The following ARID1B variants were observed in gnomAD, a reference collection of about 807,000 sequenced individuals.
The protein encoded by ARID1B is AT-rich interaction domain 1B.
A neutral mutation model predicts 212.3 loss-of-function variants in ARID1B; 30 were observed. The ratio of observed to expected loss-of-function variants is 0.14; its 90% CI spans 0.11 to 0.19. The LOEUF (loss-of-function observed/expected upper bound fraction) is 0.19, where lower values mean the gene tolerates loss of function less well. ARID1B is among the 10% of genes least tolerant of loss of function. The probability of loss-of-function intolerance (pLI) is 1.00; values close to 1 mark genes in which losing one functional copy is unlikely to be tolerated. For synonymous variants in ARID1B, 1,402 were observed against 1,301.7 expected, an observed-to-expected ratio of 1.08 and a Z score of -1.66; for missense variants, 2,891 against 3,204.0, an observed-to-expected ratio of 0.90 and a Z score of 2.36.
intron 7 of ARID1B, among the ~76,000 whole-genome samples, chr6:157,136,652 A>G (rs931573923): frequency 2.6e-5 from 4 of 152,240 alleles, no homozygotes; most frequent in African/African-American, 9.6e-5. Context: ...ACTTGAGGTC[A>G]GGAGTTCGAG....
rs1164805779 is a variant in ARID1B at position 156,945,233 on chromosome 6, CTTTTTTTTTTTTTTTT to C, written c.2247+9677_2247+9692del. Among the ~76,000 whole-genome samples the C allele has an allele frequency of 3.6e-3, 116 of 32,666 alleles. No individual in the cohort carries two copies. The South Asian group carries it at 0.036, about 10-fold the overall frequency. The allele number at this position is 32,666 out of a possible 152,430, so 21.4% of individuals were successfully genotyped here. On this transcript the variant is annotated intron_variant, in intron 4 of 19. Transcript: ENST00000636930. The stretch of plus-strand genomic sequence containing the variant: ...GACCGGTGTGAGCCCCCGCATCCGG[CTTTTTTTTTTTTTTTT>C]TTTTTTTTTTTTTTTTTTTGTGAGT...
At chr6:157,001,861 G>A (rs775333653) in intron 4 of ARID1B, among the ~76,000 whole-genome samples, 11 of 152,168 alleles carry the variant, frequency 7.2e-5, no homozygotes, top group African/African-American at 1.2e-4. Flanking sequence ...GAATTCGGCC[G>A]GAGGAGAGAT....
intron 6 of ARID1B, among the ~76,000 whole-genome samples, chr6:157,115,076 C>G (rs1787235170): frequency 6.6e-6 from 1 of 152,192 alleles, no homozygotes; most frequent in Admixed American, 6.5e-5. Context: ...TTCCTGACAG[C>G]AGTCCTTTGT....
chr6:157,200,886 G>A lies in ARID1B; in HGVS notation c.4661G>A (p.Arg1554Lys), dbSNP rs2128373180. ...GQYPYPYSRE[R>K]MQGPGQIQTH... ...TACCCGTATCCCTACAGCAGGGAGA[G>A]GATGCAGGGCCCGGGGCAGATCCAG... Residue 1554 changes from arginine to lysine, a missense_variant, in exon 18 of 20, where the codon AGG becomes AAG. Transcript: ENST00000636930. This position sits in a 1 kb window ranked among gnomAD's most constrained non-coding sequence, Gnocchi z 4.3. 1 of 1,614,012 alleles carries A rather than the reference G, an allele frequency of 6.2e-7. No individual in the cohort carries two copies. The highest frequency in any genetic ancestry group is 8.5e-7 in the Non-Finnish European group (1 of 1,180,002).
chr6:157,183,436 A>G (rs989578767), intron 12 of ARID1B, among the ~76,000 whole-genome samples: 1 of 152,216 alleles, frequency 6.6e-6, no homozygotes, highest in Non-Finnish European at 1.5e-5. Context: ...CGCAGGAGAC[A>G]TCAAAAGGCA....
intron 4 of ARID1B, among the ~76,000 whole-genome samples, chr6:157,064,474 GT>G (rs1783546956): frequency 6.6e-6 from 1 of 152,092 alleles, no homozygotes; most frequent in African/African-American, 2.4e-5. Flanking sequence ...TTCTTCGATG[GT>G]TTGAGTGTAT....
chr6:156,965,501 G>A (rs1794680293), intron 4 of ARID1B, among the ~76,000 whole-genome samples: 23 of 152,174 alleles, frequency 1.5e-4, no homozygotes, highest in Admixed American at 1.5e-3. Context: ...GGCGTTAACT[G>A]AATAAACTAA....
At chr6:156,818,868 G>A (rs1228640080) in intron 1 of ARID1B, among the ~76,000 whole-genome samples, 1 of 151,846 alleles carries the variant, frequency 6.6e-6, no homozygotes, top group East Asian at 1.9e-4. Flanking sequence ...GAGGAGTAGA[G>A]GGTTTCCATG....
intron 4 of ARID1B, among the ~76,000 whole-genome samples, chr6:157,082,153 G>A (rs73793046): frequency 6.6e-6 from 1 of 152,106 alleles, no homozygotes; most frequent in Admixed American, 6.5e-5. Flanking sequence ...GTAAGTTCCT[G>A]TTCCTGTTAA....
chr6:156,778,737 T>TCCGCCG lies in ARID1B; in HGVS notation c.1067_1072dup (p.Ala356_Ala357dup), dbSNP rs766956053. Reference sequence around the variant, plus strand: ...CGGGATGGGGATGATGCACTCCGCCTCCGCCGCCGCCGCCGGGGCCCCCGG... The same window carrying TCCGCCG: ...CGGGATGGGGATGATGCACTCCGCCTCCGCCGCCGCCGCCGCCGCCGGGGCCCCCGG... On this transcript the variant is annotated inframe_insertion, in exon 1 of 20. Transcript: ENST00000636930. 6.6e-7 allele frequency: 1 copy of TCCGCCG among 1,516,898 alleles called. No individual in the cohort carries two copies. The highest frequency in any genetic ancestry group is 2.1e-5 in the Admixed American group (1 of 48,522). 94.0% of individuals were successfully genotyped at this position (1,516,898 alleles called of 1,614,324 possible). A position where few individuals can be genotyped will look rare whatever the true frequency, so the allele number is the denominator to read the frequency against.
chr6:157,087,784 T>A (rs1232402933), intron 5 of ARID1B, among the ~76,000 whole-genome samples: 1 of 146,230 alleles, frequency 6.8e-6, no homozygotes, highest in African/African-American at 2.5e-5. Context: ...TTCACAGAGT[T>A]GAGCTCAGTT....
At chr6:156,803,037 A>C (rs1780896935) in intron 1 of ARID1B, among the ~76,000 whole-genome samples, 1 of 152,080 alleles carries the variant, frequency 6.6e-6, no homozygotes. Flanking sequence ...TGTGAGTATA[A>C]ACATTTTTTT....
chr6:157,209,141 A>G lies in ARID1B; in HGVS notation c.*1250A>G. ...GATAATGTAGTTTAAAAAAAAAAAA[A>G]AGAAAAAAACTTGATGTAAATTCCT... On this transcript the variant is annotated 3_prime_UTR_variant, in exon 20 of 20. Coordinates refer to ENST00000636930, the MANE Select transcript of ARID1B (RefSeq NM_001374828.1). 4.3e-6 allele frequency: 1 copy of G among 230,218 alleles called. No homozygotes were observed. The highest frequency in any genetic ancestry group is 8.6e-6 in the Non-Finnish European group (1 of 116,040). 14.3% of individuals were successfully genotyped at this position (230,218 alleles called of 1,614,324 possible).
chr6:156,856,876 C>G (rs1330311143), intron 2 of ARID1B, among the ~76,000 whole-genome samples: 1 of 151,852 alleles, frequency 6.6e-6, no homozygotes, highest in Non-Finnish European at 1.5e-5. Context: ...AAAAGTAATA[C>G]ATATCTAAAC....
chr6:156,869,958 A>G (rs1172213086), intron 2 of ARID1B: 1 of 135,462 alleles, frequency 7.4e-6, no homozygotes, highest in African/African-American at 2.8e-5. Context: ...TAATTGAGGC[A>G]TTACTGATCT....
Position 157,203,759 on chromosome 6 carries a change from A to G in ARID1B, c.5264-107A>G. Reference sequence around the variant, plus strand: ...CCTTGAGAGCATTTGTTTAAAGTCAATATTTAACTTAACACTCCACTTATT... The same window carrying G: ...CCTTGAGAGCATTTGTTTAAAGTCAGTATTTAACTTAACACTCCACTTATT... On this transcript the variant is annotated intron_variant, in intron 18 of 19. Coordinates refer to ENST00000636930, the MANE Select transcript of ARID1B (RefSeq NM_001374828.1). The surrounding 1 kb of genome is among the most constrained non-coding windows in gnomAD (Gnocchi z 4.4). 1 of 1,363,702 alleles carries G rather than the reference A, an allele frequency of 7.3e-7. No homozygotes were observed. Among genetic ancestry groups the G allele is most frequent in the Non-Finnish European group, 1.0e-6 (1 of 971,904 alleles). 84.5% of individuals were successfully genotyped at this position (1,363,702 alleles called of 1,614,324 possible).
chr6:157,009,681 G>A (rs1205421873), intron 4 of ARID1B, among the ~76,000 whole-genome samples: 2 of 152,120 alleles, frequency 1.3e-5, no homozygotes, highest in Non-Finnish European at 2.9e-5. Flanking sequence ...AATTGATAGT[G>A]GTAATATTCA....
intron 7 of ARID1B, among the ~76,000 whole-genome samples, chr6:157,146,071 C>T (rs1372257152): frequency 2.0e-5 from 3 of 152,152 alleles, no homozygotes; most frequent in African/African-American, 7.2e-5. Flanking sequence ...GACCCAGCCT[C>T]TCCCCTCTAT....
At chr6:157,176,383 T>A (rs892706432) in intron 11 of ARID1B, among the ~76,000 whole-genome samples, 5 of 152,212 alleles carry the variant, frequency 3.3e-5, no homozygotes, top group African/African-American at 9.6e-5. Context: ...TCCCTCATAG[T>A]CTGCCCTGGT....
Sources: allele counts gnomAD v4.1 joint callset (sites outside exome capture counted in the v4.1 genomes callset), GRCh38; gene constraint gnomAD v4.1.1; non-coding constraint Gnocchi (gnomAD v3.1); transcripts MANE v1.5; gene names NCBI Gene and HGNC (gene_info 2026-07-23, HGNC 2026-07-21).